ZZEF1: variants seen among roughly 807,000 people sequenced by gnomAD.
ZZEF1 encodes the protein zinc finger ZZ-type and EF-hand domain-containing protein 1.
A neutral mutation model predicts 342.8 loss-of-function variants in ZZEF1; 157 were observed. The ratio of observed to expected loss-of-function variants is 0.46; its 90% CI spans 0.40 to 0.52. ZZEF1 has a LOEUF of 0.52. Ranked by LOEUF, ZZEF1 falls within the 20% of genes least tolerant of loss-of-function variation. The pLI is 0.00. For missense variants in ZZEF1, 3,480 were observed against 3,725.6 expected, an observed-to-expected ratio of 0.93 and a Z score of 1.72; for synonymous variants, 1,505 against 1,429.1, an observed-to-expected ratio of 1.05 and a Z score of -1.20.
chr17:4,140,217 C>T (rs1386154916), intron 1 of ZZEF1, among the ~76,000 whole-genome samples: 1 of 152,092 alleles, frequency 6.6e-6, no homozygotes, highest in Non-Finnish European at 1.5e-5. Context: ...GTTTTCTGTC[C>T]CTTGAAAAAG....
intron 1 of ZZEF1, 139 bp from the exon 2 acceptor site, chr17:4,124,190 C>A: frequency 9.0e-7 from 1 of 1,106,814 alleles, no homozygotes; most frequent in Non-Finnish European, 1.2e-6. Flanking sequence ...ATGTATCAAC[C>A]AAAGATAAAT....
Position 4,109,757 on chromosome 17 carries a change from G to C in ZZEF1, c.1173C>G (p.Val391=). 6.2e-7 allele frequency: 1 copy of C among 1,614,170 alleles called. No individual in the cohort carries two copies. Among genetic ancestry groups the C allele is most frequent in the Non-Finnish European group, 8.5e-7 (1 of 1,180,034 alleles). Residue 391 remains valine, a synonymous_variant, in exon 6 of 55, where the codon GTC becomes GTG. Transcript: ENST00000381638. ...AATACCATATTGCAGAAGCATCTGA[G>C]ACTGAGACCCCAGACTTCTTAACTC... The part of the protein sequence containing the change: ...FQRVKKSGVS[V]SDASAIWYWS...
chr17:4,088,983 C>T (rs2057894115), intron 12 of ZZEF1, 90 bp from the exon 13 acceptor site: 1 of 1,262,210 alleles, frequency 7.9e-7, no homozygotes, highest in African/African-American at 1.5e-5. Flanking sequence ...GGAAGGTCTT[C>T]CTATGATTTT....
chr17:4,104,609 ACCC>A, intron 8 of ZZEF1, 21 bp downstream of exon 8: 1 of 1,609,978 alleles, frequency 6.2e-7, no homozygotes, highest in African/African-American at 1.3e-5. Flanking sequence ...CATTTCTATC[ACCC>A]CCATGTTTTA....
At chr17:4,054,809 A>G (rs1441250525) in intron 33 of ZZEF1, among the ~76,000 whole-genome samples, 2 of 152,230 alleles carry the variant, frequency 1.3e-5, no homozygotes, top group Non-Finnish European at 2.9e-5. Flanking sequence ...GCCTGGACTC[A>G]GTGAGACTGA....
chr17:4,025,038 G>A lies in ZZEF1; in HGVS notation c.6973C>T (p.His2325Tyr), dbSNP rs767852846. 5 of 1,614,084 alleles carry A rather than the reference G, an allele frequency of 3.1e-6. No individual in the cohort carries two copies. In the African/African-American group the frequency reaches 4.0e-5, roughly 13 times the overall value. Residue 2325 changes from histidine to tyrosine, a missense_variant, in exon 43 of 55, where the codon CAC becomes TAC. Around this residue, in one of 5 missense-constraint regions of ZZEF1, gnomAD observed 1,269 missense variants for 1,342.4 expected, o/e 0.95. Transcript: ENST00000381638. ...SRAQLSQYSQ[H>Y]FAFIASHLLQ... is the part of the protein sequence containing the mutation. ...AGGTGACTGGCGATAAAGGCAAAGT[G>A]CTGGGAGTACTGGCTCAGCTGGGCC...
chr17:4,020,892 G>A (rs1465584033), intron 45 of ZZEF1, among the ~76,000 whole-genome samples: 2 of 152,204 alleles, frequency 1.3e-5, no homozygotes, highest in Non-Finnish European at 2.9e-5. Flanking sequence ...GTATTTTATG[G>A]GGAGAGAGGA....
Position 4,050,722 on chromosome 17 carries a change from AG to A in ZZEF1, c.5863+58del. ...TAAGCTTAGTATTTTACATTTGCCA[AG>A]GCTTTTTTTCACCAGCAACTGAGGG... On this transcript the variant is annotated intron_variant, in intron 36 of 54. Transcript: ENST00000381638. The A allele has an allele frequency of 6.9e-6, 11 of 1,605,342 alleles. No individual in the cohort carries two copies. In the South Asian group the frequency reaches 1.2e-4, roughly 18 times the overall value.
intron 39 of ZZEF1, among the ~76,000 whole-genome samples, chr17:4,039,155 A>C (rs2056742138): frequency 6.6e-6 from 1 of 152,104 alleles, no homozygotes; most frequent in African/African-American, 2.4e-5. Flanking sequence ...ACTGAAGAAA[A>C]GATGGAGGGT....
intron 42 of ZZEF1, among the ~76,000 whole-genome samples, chr17:4,025,408 C>T (rs539111756): frequency 4.6e-5 from 7 of 152,196 alleles, no homozygotes; most frequent in Admixed American, 2.0e-4. Context: ...TATATGAGGC[C>T]GGACGTGGTG....
Position 4,034,216 on chromosome 17 carries a change from T to G in ZZEF1, c.6383A>C (p.His2128Pro). ...MFQVVISNAG[H>P]LNETYHLTLG... is the part of the protein sequence containing the mutation. ...GGTGAGATGGTAGGTTTCATTCAGGTGGCCTGCGTTTGAGATGACAACCTG... is the reference window on the plus strand; with the variant it reads ...GGTGAGATGGTAGGTTTCATTCAGGGGGCCTGCGTTTGAGATGACAACCTG... The change falls in exon 40 of 55, where the codon CAC becomes CCC. Residue 2128 changes from histidine (H) to proline (P), a missense_variant. His to Pro is a moderately conservative substitution (Grantham distance 77, BLOSUM62 -2). Transcript: ENST00000381638. The G allele has an allele frequency of 6.2e-7, 1 of 1,614,190 alleles. No individual in the cohort carries two copies.
At chr17:4,076,538 T>C (rs2057624360) in intron 21 of ZZEF1, 99 bp downstream of exon 21, 1 of 1,467,070 alleles carries the variant, frequency 6.8e-7, no homozygotes, top group Admixed American at 2.0e-5. Context: ...TAGAGGCTGC[T>C]CAGCTGTGCC....
chr17:4,075,067 T>A (rs199805769), intron 23 of ZZEF1, 30 bp downstream of exon 23: 1 of 1,604,536 alleles, frequency 6.2e-7, no homozygotes, highest in Non-Finnish European at 8.5e-7. Flanking sequence ...GGTGCAGAAG[T>A]AGGTACCTCT....
chr17:4,009,706 G>C lies in ZZEF1; in HGVS notation c.8631C>G (p.His2877Gln). The C allele has an allele frequency of 6.2e-7, 1 of 1,614,170 alleles. No homozygotes were observed. Among genetic ancestry groups the C allele is most frequent in the South Asian group, 1.1e-5 (1 of 91,084 alleles). ...LLKPLWQLFT[H>Q]MEYGLFEDVT... is the part of the protein sequence containing the mutation. ...CGTCCTCAAACAGGCCGTACTCCAT[G>C]TGGGTAAAGAGCTGCCACAGGGGCT... Residue 2877 changes from histidine (H) to glutamine (Q), a missense_variant, in exon 53 of 55, where the codon CAC (histidine) becomes CAG (glutamine). Transcript: ENST00000381638.
intron 42 of ZZEF1, among the ~76,000 whole-genome samples, chr17:4,027,283 TCA>T (rs1567773129): frequency 4.6e-5 from 6 of 131,650 alleles, no homozygotes; most frequent in African/African-American, 1.5e-4. Flanking sequence ...CAGCAATATC[TCA>T]CTTTTTTTTT....
Position 4,132,756 on chromosome 17 carries a change from G to A in ZZEF1, c.355-8705C>T, listed in dbSNP as rs74788229. Among the ~76,000 whole-genome samples, 16 of 58,924 alleles carry A rather than the reference G, an allele frequency of 2.7e-4. 6 individuals are homozygous for A. Among genetic ancestry groups the A allele is most frequent in the African/African-American group, 3.9e-4 (11 of 27,932 alleles). The allele number at this position is 58,924 out of a possible 152,430, so 38.7% of individuals were successfully genotyped here. ...CCGAGGCGGGTGGATCACGAAGTCA[G>A]GAGATCAAGACCATCCTGGCTAACA... On this transcript the variant is annotated intron_variant, in intron 1 of 54. Coordinates refer to ENST00000381638, the MANE Select transcript of ZZEF1 (RefSeq NM_015113.4).
intron 39 of ZZEF1, among the ~76,000 whole-genome samples, chr17:4,036,859 G>A (rs922401047): frequency 9.7e-5 from 10 of 102,826 alleles, no homozygotes; most frequent in East Asian, 3.3e-4. Flanking sequence ...CACCCCGCCC[G>A]CCCGCACTGG....
chr17:4,117,068 T>C lies in ZZEF1; in HGVS notation c.598A>G (p.Met200Val), dbSNP rs1366274297. ...CAGTGCTCCAGCATCGGGTAGGGCA[T>C]CACCGCGCTGGAGAGCCGATTGCGG... is the stretch of plus-strand genomic sequence containing the variant. ...LHRNRLSSAV[M>V]PYPMLEHCNN... The change falls in exon 3 of 55, where the codon ATG (methionine) becomes GTG (valine). Residue 200 changes from methionine (M) to valine (V), a missense_variant. Physicochemically the swap from Met to Val is conservative, Grantham distance 21 (BLOSUM62 1). Around this residue, in one of 5 missense-constraint regions of ZZEF1, gnomAD observed 416 missense variants for 374.2 expected, o/e 1.11. Coordinates refer to ENST00000381638, the MANE Select transcript of ZZEF1 (RefSeq NM_015113.4). The C allele has an allele frequency of 4.3e-6, 7 of 1,614,036 alleles. No individual in the cohort carries two copies. The highest frequency in any genetic ancestry group is 5.9e-6 in the Non-Finnish European group (7 of 1,180,026).
chr17:4,130,728 C>T (rs1026086199), intron 1 of ZZEF1, among the ~76,000 whole-genome samples: 14 of 152,078 alleles, frequency 9.2e-5, no homozygotes, highest in African/African-American at 3.1e-4. Context: ...ATGCAGAAAA[C>T]GTAGGGGAGG....
Sources: allele counts gnomAD v4.1 joint callset (sites outside exome capture counted in the v4.1 genomes callset), GRCh38; gene constraint gnomAD v4.1.1; regional missense constraint gnomAD v4.1.1; transcripts MANE v1.5; gene names NCBI Gene and HGNC (gene_info 2026-07-23, HGNC 2026-07-21).